CCSER1: variants seen among roughly 807,000 people sequenced by gnomAD.
CCSER1 encodes the protein coiled-coil serine rich protein 1.
A neutral mutation model predicts 82.0 loss-of-function variants in CCSER1; 41 were observed. The ratio of observed to expected loss-of-function variants is 0.50; its 90% CI spans 0.39 to 0.65. The LOEUF (loss-of-function observed/expected upper bound fraction) is 0.65. Among genes scored for constraint, CCSER1 ranks in the 30% least tolerant of loss-of-function variants. The pLI, the probability that CCSER1 is intolerant of heterozygous loss-of-function variation, is 0.00. For synonymous variants in CCSER1, 414 were observed against 383.9 expected (o/e 1.08, Z -0.92); for missense variants, 1,119 against 1,064.2 (o/e 1.05, Z -0.72).
intron 3 of CCSER1, among the ~76,000 whole-genome samples, chr4:90,317,664 A>G (rs938454321): frequency 2.0e-5 from 3 of 152,124 alleles, no homozygotes; most frequent in Non-Finnish European, 4.4e-5. Context: ...AATAACTTCC[A>G]AATCTAGCGA....
intron 10 of CCSER1, among the ~76,000 whole-genome samples, chr4:91,098,627 C>T (rs1047253564): frequency 4.3e-4 from 65 of 151,902 alleles, no homozygotes; most frequent in Middle Eastern, 3.4e-3. Flanking sequence ...CTGCAAGCTC[C>T]GCCTCCCGGG....
At chr4:91,432,169 C>T (rs961849719) in intron 10 of CCSER1, among the ~76,000 whole-genome samples, 2 of 152,120 alleles carry the variant, frequency 1.3e-5, no homozygotes, top group African/African-American at 4.8e-5. Context: ...CTTTGCCTTC[C>T]TCTGTGATTG....
At chr4:90,367,677 G>A (rs1287353765) in intron 3 of CCSER1, among the ~76,000 whole-genome samples, 1 of 151,806 alleles carries the variant, frequency 6.6e-6, no homozygotes, top group African/African-American at 2.4e-5. Context: ...GCAAGAATAA[G>A]TAATTAAATA....
At chr4:91,576,809 T>C (rs913690334) in intron 10 of CCSER1, among the ~76,000 whole-genome samples, 29 of 151,952 alleles carry the variant, frequency 1.9e-4, no homozygotes, top group Admixed American at 3.3e-4. Context: ...CAAAAAGTTT[T>C]GGATTTTGAG....
intron 1 of CCSER1, among the ~76,000 whole-genome samples, chr4:90,147,216 A>ACTGTGTCTTTCTGTGTGTAAGAC (rs1226250229): frequency 6.6e-6 from 1 of 152,094 alleles, no homozygotes; most frequent in Non-Finnish European, 1.5e-5. Flanking sequence ...AAGACACTTT[A>ACTGTGTCTTTCTGTGTGTAAGAC]AATTTCTCAA....
chr4:90,667,770 C>A (rs1370474664), intron 6 of CCSER1, among the ~76,000 whole-genome samples: 1 of 152,056 alleles, frequency 6.6e-6, no homozygotes, highest in South Asian at 2.1e-4. Context: ...GGTTCCAAGT[C>A]TTTGGTGTTG....
At chr4:91,574,544 C>A (rs1388287314) in intron 10 of CCSER1, among the ~76,000 whole-genome samples, 6 of 151,916 alleles carry the variant, frequency 3.9e-5, no homozygotes, top group Admixed American at 3.9e-4. Flanking sequence ...ACATATACAC[C>A]ATGGAGTATA....
At chr4:91,593,957 G>A (rs1578879252) in intron 10 of CCSER1, among the ~76,000 whole-genome samples, 1 of 152,176 alleles carries the variant, frequency 6.6e-6, no homozygotes, top group Non-Finnish European at 1.5e-5. Flanking sequence ...AGAAATGAGA[G>A]GAAGACAATT....
chr4:90,257,399 AT>A (rs1723517558), intron 1 of CCSER1, among the ~76,000 whole-genome samples: 1 of 152,092 alleles, frequency 6.6e-6, no homozygotes, highest in African/African-American at 2.4e-5. Context: ...AGCAAAAAAT[AT>A]TTTTTGGTGT....
chr4:90,208,514 G>C (rs914420677), intron 1 of CCSER1, among the ~76,000 whole-genome samples: 1 of 151,842 alleles, frequency 6.6e-6, no homozygotes, highest in African/African-American at 2.4e-5. Flanking sequence ...GGCGTGAACG[G>C]TTTTGTCTCG....
At chr4:90,558,747 A>G (rs894854107) in intron 5 of CCSER1, among the ~76,000 whole-genome samples, 4 of 152,186 alleles carry the variant, frequency 2.6e-5, no homozygotes, top group African/African-American at 7.2e-5. Context: ...ATAAATGATG[A>G]AAATAGCTGT....
At chr4:91,027,944 A>G (rs1445922972) in intron 9 of CCSER1, among the ~76,000 whole-genome samples, 1 of 152,082 alleles carries the variant, frequency 6.6e-6, no homozygotes, top group African/African-American at 2.4e-5. Context: ...TCTGCTGAAT[A>G]TATTCTAATC....
At chr4:90,773,240 C>T (rs988306922) in intron 7 of CCSER1, among the ~76,000 whole-genome samples, 2 of 152,170 alleles carry the variant, frequency 1.3e-5, no homozygotes, top group Non-Finnish European at 2.9e-5. Context: ...AACTCTGTCT[C>T]AAAAATGAAT....
chr4:90,600,631 G>C (rs761130739), intron 5 of CCSER1, among the ~76,000 whole-genome samples: 1 of 151,866 alleles, frequency 6.6e-6, no homozygotes, highest in Non-Finnish European at 1.5e-5. Context: ...TCTCTGAATG[G>C]TGTCTTGAAA....
At chr4:90,281,856 C>T (rs934836179) in intron 1 of CCSER1, among the ~76,000 whole-genome samples, 1 of 152,058 alleles carries the variant, frequency 6.6e-6, no homozygotes, top group Non-Finnish European at 1.5e-5. Flanking sequence ...ACTAAGACAG[C>T]ATTAGTTTAT....
intron 10 of CCSER1, among the ~76,000 whole-genome samples, chr4:91,531,225 G>A (rs964990078): frequency 5.9e-5 from 9 of 152,104 alleles, no homozygotes; most frequent in African/African-American, 2.2e-4. Context: ...ATTTCATTAT[G>A]TACATTGTTT....
At chr4:90,184,343 C>A (rs1467714545) in intron 1 of CCSER1, among the ~76,000 whole-genome samples, 1 of 152,042 alleles carries the variant, frequency 6.6e-6, no homozygotes, top group Non-Finnish European at 1.5e-5. Flanking sequence ...AAGATTTGCA[C>A]CAAAGAGTAA....
At chr4:91,558,950 T>C (rs1762531398) in intron 10 of CCSER1, among the ~76,000 whole-genome samples, 1 of 151,550 alleles carries the variant, frequency 6.6e-6, no homozygotes, top group Admixed American at 6.6e-5. Flanking sequence ...TCATCAGCTA[T>C]GGGGAGATTC....
At chr4:91,313,726 G>C (rs1745646046) in intron 10 of CCSER1, among the ~76,000 whole-genome samples, 1 of 151,870 alleles carries the variant, frequency 6.6e-6, no homozygotes, top group African/African-American at 2.4e-5. Context: ...GAGGAAGCTA[G>C]TCTGGAAGAT....
Sources: gnomAD v4.1 joint callset for allele counts (sites outside exome capture counted in the v4.1 genomes callset) on GRCh38, gnomAD v4.1.1 for gene constraint, MANE v1.5 for transcripts, NCBI Gene and HGNC (gene_info 2026-07-23, HGNC 2026-07-21) for gene names.